Variants in SCAF1 observed in about 807,000 individuals in gnomAD.
SCAF1 encodes splicing factor, arginine/serine-rich 19.
In SCAF1, 28 loss-of-function variants were observed where a neutral mutation model predicts 91.2. The ratio of observed to expected loss-of-function variants is 0.31; its 90% CI spans 0.23 to 0.42. SCAF1 has a LOEUF of 0.42. SCAF1 is among the 10% of genes least tolerant of loss of function. The probability of loss-of-function intolerance (pLI) is 1.00; values close to 1 mark genes in which losing one functional copy is unlikely to be tolerated. For missense variants in SCAF1, 1,893 were observed against 1,872.1 expected, an observed-to-expected ratio of 1.01 and a Z score of -0.21; for synonymous variants, 1,036 against 833.7, an observed-to-expected ratio of 1.24 and a Z score of -4.18.
In SCAF1 at chr19:49,651,868, C is replaced by G. The variant is rs1211943223; in HGVS notation, c.1479C>G (p.Arg493=). 1.6e-6 allele frequency: 2 copies of G among 1,234,300 alleles called. No homozygotes were observed. Among genetic ancestry groups the G allele is most frequent in the Middle Eastern group, 3.3e-4 (1 of 3,034 alleles). 76.5% of individuals were successfully genotyped at this position (1,234,300 alleles called of 1,614,324 possible). The change falls in exon 7 of 11, where the codon CGC becomes CGG. Residue 493 remains arginine, a synonymous_variant. Coordinates refer to ENST00000360565, the MANE Select transcript of SCAF1 (RefSeq NM_021228.3). ...AGATCCTGACCCAACGGCGGGAGCGCTACCGCCAGCGCTCGCCCTCCCCGG... is the reference window on the plus strand; with the variant it reads ...AGATCCTGACCCAACGGCGGGAGCGGTACCGCCAGCGCTCGCCCTCCCCGG... The part of the protein sequence containing the change: ...RRKILTQRRE[R]YRQRSPSPAP...
In SCAF1 at chr19:49,651,506, A is replaced by G. The variant is rs1464288132; in HGVS notation, c.1117A>G (p.Thr373Ala). ...REGKVSVEVV[T>A]AGGAALPPPL... ...AGGCAAGGTCTCGGTGGAGGTGGTG[A>G]CCGCTGGTGGAGCCGCCCTCCCGCC... Residue 373 changes from threonine to alanine, a missense_variant, in exon 7 of 11, where the codon ACC (threonine) becomes GCC (alanine). Physicochemically the swap from Thr to Ala is moderately conservative, Grantham distance 58. This residue lies in a region of SCAF1 where 1,436 missense variants were observed against 1,306.8 expected (regional missense o/e 1.10). Coordinates refer to ENST00000360565, the MANE Select transcript of SCAF1 (RefSeq NM_021228.3). The G allele has an allele frequency of 1.5e-5, 24 of 1,573,320 alleles. No homozygotes were observed. The highest frequency in any genetic ancestry group is 2.1e-5 in the Non-Finnish European group (24 of 1,162,398).
Position 49,654,804 on chromosome 19 carries a change from GC to G in SCAF1, c.3553del (p.Leu1185TrpfsTer24). The G allele has an allele frequency of 6.2e-7, 1 of 1,612,618 alleles. No homozygotes were observed. The highest frequency in any genetic ancestry group is 8.5e-7 in the Non-Finnish European group (1 of 1,179,382). On this transcript the variant is annotated frameshift_variant, in exon 9 of 11. Transcript: ENST00000360565. LOFTEE classifies it high-confidence loss of function. ...CGSTPPTPTG[L>X]AATSDKREGS... is the part of the protein sequence containing the mutation. Reference sequence around the variant, plus strand: ...GTTCGACCCCCCCCACCCCCACCGGGCTGGCTGCCACGTCTGACAAGAGAGA... The same window carrying G: ...GTTCGACCCCCCCCACCCCCACCGGGTGGCTGCCACGTCTGACAAGAGAGA...
In SCAF1 at chr19:49,653,033, C is replaced by T. The variant is rs201213809; in HGVS notation, c.2644C>T (p.Arg882Trp). 1.8e-4 allele frequency: 286 copies of T among 1,613,944 alleles called. No homozygotes were observed. Among genetic ancestry groups the T allele is most frequent in the Middle Eastern group, 1.6e-4 (1 of 6,062 alleles). ...SRSPFLKPDERAPTEMAKAAP... is the reference protein window; with the variant it reads ...SRSPFLKPDEWAPTEMAKAAP... ...CTCCCCCTTCCTCAAACCTGACGAGCGGGCCCCCACTGAGATGGCCAAAGC... is the reference window on the plus strand; with the variant it reads ...CTCCCCCTTCCTCAAACCTGACGAGTGGGCCCCCACTGAGATGGCCAAAGC... The change falls in exon 7 of 11, where the codon CGG becomes TGG. Residue 882 changes from arginine to tryptophan, a missense_variant. This residue lies in a region of SCAF1 where 1,436 missense variants were observed against 1,306.8 expected (regional missense o/e 1.10). Transcript: ENST00000360565.
chr19:49,653,380 C>A lies in SCAF1; in HGVS notation c.2991C>A (p.Ser997Arg). The A allele has an allele frequency of 6.6e-7, 1 of 1,524,928 alleles. No homozygotes were observed. The highest frequency in any genetic ancestry group is 8.8e-7 in the Non-Finnish European group (1 of 1,133,880). 94.5% of individuals were successfully genotyped at this position (1,524,928 alleles called of 1,614,324 possible). A position where few individuals can be genotyped will look rare whatever the true frequency, so the allele number is the denominator to read the frequency against. Reference sequence around the variant, plus strand: ...CTCCGGACTCGCAGACCGTGGACAGCAGCTGCAAGACACCTGAGGTCTCCT... The same window carrying A: ...CTCCGGACTCGCAGACCGTGGACAGAAGCTGCAAGACACCTGAGGTCTCCT... ...ALTPDSQTVD[S>R]SCKTPEVSFL... Residue 997 changes from serine to arginine, a missense_variant, in exon 7 of 11, where the codon AGC becomes AGA. By Grantham distance (110) the Ser-to-Arg change is moderately radical. Transcript: ENST00000360565.
In SCAF1 at chr19:49,652,501, C is replaced by T. The variant is rs369200818; in HGVS notation, c.2112C>T (p.Thr704=). The T allele has an allele frequency of 5.7e-6, 9 of 1,584,934 alleles. No homozygotes were observed. Among genetic ancestry groups the T allele is most frequent in the Non-Finnish European group, 7.7e-6 (9 of 1,166,902 alleles). The change falls in exon 7 of 11, where the codon ACC becomes ACT. Residue 704 remains threonine, a synonymous_variant. Transcript: ENST00000360565. The part of the protein sequence containing the change: ...TDHDLFAIKR[T]ITVGRLDKSD... Reference sequence around the variant, plus strand: ...ACGACCTCTTCGCCATCAAGCGGACCATCACGGTGGGCCGGCTTGACAAGT... The same window carrying T: ...ACGACCTCTTCGCCATCAAGCGGACTATCACGGTGGGCCGGCTTGACAAGT...
In SCAF1 at chr19:49,651,349, C is replaced by A; in HGVS notation, c.960C>A (p.Pro320=). The change falls in exon 7 of 11, where the codon CCC becomes CCA. Residue 320 remains proline, a synonymous_variant. Coordinates refer to ENST00000360565, the MANE Select transcript of SCAF1 (RefSeq NM_021228.3). ...LSQDFPGDES[P]RPDAQPTQPT... ...AGGACTTCCCAGGTGACGAGAGCCC[C>A]CGCCCGGACGCGCAGCCCACACAGC... 1 of 1,608,618 alleles carries A rather than the reference C, an allele frequency of 6.2e-7. No homozygotes were observed. The highest frequency in any genetic ancestry group is 8.5e-7 in the Non-Finnish European group (1 of 1,179,854).
chr19:49,651,013 T>TC lies in SCAF1; in HGVS notation c.629dup (p.Pro211ThrfsTer19). On this transcript the variant is annotated frameshift_variant, in exon 7 of 11. Transcript: ENST00000360565. LOFTEE classifies it high-confidence loss of function. ...CTCCCTCATCTTCCTCCCCTTCCCC[T>TC]CCCCCACCCCCACCGCCCCCTGCAC... 1.4e-5 allele frequency: 2 copies of TC among 141,670 alleles called. No individual in the cohort carries two copies. Among genetic ancestry groups the TC allele is most frequent in the South Asian group, 5.0e-5 (1 of 19,854 alleles). The allele number at this position is 141,670 out of a possible 1,614,324, so 8.8% of individuals were successfully genotyped here.
chr19:49,651,924 G>T lies in SCAF1; in HGVS notation c.1535G>T (p.Gly512Val). Residue 512 changes from glycine to valine, a missense_variant, in exon 7 of 11, where the codon GGT becomes GTT. By Grantham distance (109) the Gly-to-Val change is moderately radical. Coordinates refer to ENST00000360565, the MANE Select transcript of SCAF1 (RefSeq NM_021228.3). ...GCGCCCGCCCCGGCCGCCGCTGCTG[G>T]TCCGCCCACGCGCAAGAAGTCCAGG... is the stretch of plus-strand genomic sequence containing the variant. ...APAPAPAAAA[G>V]PPTRKKSRRE... 1.7e-6 allele frequency: 2 copies of T among 1,163,136 alleles called. No individual in the cohort carries two copies. Among genetic ancestry groups the T allele is most frequent in the South Asian group, 2.1e-5 (1 of 48,074 alleles). 72.1% of individuals were successfully genotyped at this position (1,163,136 alleles called of 1,614,324 possible). A position where few individuals can be genotyped will look rare whatever the true frequency, so the allele number is the denominator to read the frequency against.
intron 6 of SCAF1, among the ~76,000 whole-genome samples, chr19:49,648,791 T>G (rs2081069740): frequency 6.6e-6 from 1 of 151,688 alleles, no homozygotes; most frequent in Non-Finnish European, 1.5e-5. Flanking sequence ...GCCAACATGG[T>G]GAAACCCTGT....
At chr19:49,647,955 C>G (rs1200084944) in intron 6 of SCAF1, among the ~76,000 whole-genome samples, 1 of 151,614 alleles carries the variant, frequency 6.6e-6, no homozygotes, top group Non-Finnish European at 1.5e-5. Flanking sequence ...TTTTTTGAGA[C>G]AGGGTCTCAC....
In SCAF1 at chr19:49,651,809, G is replaced by A. The variant is rs1384612771; in HGVS notation, c.1420G>A (p.Asp474Asn). Residue 474 changes from aspartate to asparagine, a missense_variant, in exon 7 of 11, where the codon GAC (aspartate) becomes AAC (asparagine). This residue lies in a region of SCAF1 where 1,436 missense variants were observed against 1,306.8 expected (regional missense o/e 1.10). Transcript: ENST00000360565. ...GCCGGCTCCCGCGCCGCCCGCCGCC[G>A]ACTCGCGCTGGGGCGGCCTGGACCT... ...GEPAPAPPAA[D>N]SRWGGLDLRR... 1 of 1,263,714 alleles carries A rather than the reference G, an allele frequency of 7.9e-7. No individual in the cohort carries two copies. The highest frequency in any genetic ancestry group is 1.6e-5 in the African/African-American group (1 of 62,280). 78.3% of individuals were successfully genotyped at this position (1,263,714 alleles called of 1,614,324 possible).
At position 49,642,457 on chromosome 19, in the gene SCAF1, C is replaced by A. The variant is rs1322667767; in HGVS notation, c.-7+215C>A. 2.0e-5 allele frequency among the ~76,000 whole-genome samples: 3 copies of A among 152,078 alleles called. No homozygotes were observed. Among genetic ancestry groups the A allele is most frequent in the African/African-American group, 7.2e-5 (3 of 41,424 alleles). On this transcript the variant is annotated intron_variant, in intron 1 of 10. Transcript: ENST00000360565. This position sits in a 1 kb window ranked among gnomAD's most constrained non-coding sequence, Gnocchi z 4.0. ...GGACGCATCCGTGGGTTCCTGGGGGCGTCTATGGGGCGTCTCCGAGAGGAC... is the reference window on the plus strand; with the variant it reads ...GGACGCATCCGTGGGTTCCTGGGGGAGTCTATGGGGCGTCTCCGAGAGGAC...
chr19:49,650,328 A>C (rs2081077944), intron 6 of SCAF1, among the ~76,000 whole-genome samples: 1 of 152,140 alleles, frequency 6.6e-6, no homozygotes, highest in South Asian at 2.1e-4. Context: ...CACGAGAGGC[A>C]GCTGGCGCAG....
Position 49,651,549 on chromosome 19 carries a change from G to T in SCAF1, c.1160G>T (p.Gly387Val), listed in dbSNP as rs1183492050. 6.4e-7 allele frequency: 1 copy of T among 1,559,400 alleles called. No homozygotes were observed. The highest frequency in any genetic ancestry group is 1.9e-5 in the Admixed American group (1 of 52,616). ...CTCCCGCCGCCCCTGCTGCCGCCCG[G>T]CGACTCGGAGATCGAGGAAGGGGAG... ...AALPPPLLPP[G>V]DSEIEEGEIV... Residue 387 changes from glycine (G) to valine (V), a missense_variant, in exon 7 of 11, where the codon GGC (glycine) becomes GTC (valine). Coordinates refer to ENST00000360565, the MANE Select transcript of SCAF1 (RefSeq NM_021228.3).
At chr19:49,653,759 C>G in intron 7 of SCAF1, 54 bp downstream of exon 7, 1 of 1,438,794 alleles carries the variant, frequency 7.0e-7, no homozygotes, top group Non-Finnish European at 9.2e-7. Flanking sequence ...AGGATGGGGA[C>G]TGGAGGGTAC....
At position 49,646,781 on chromosome 19, in the gene SCAF1, T is replaced by C. The variant is rs749972745; in HGVS notation, c.429T>C (p.Pro143=). The C allele has an allele frequency of 2.5e-6, 4 of 1,613,776 alleles. No homozygotes were observed. The highest frequency in any genetic ancestry group is 3.4e-6 in the Non-Finnish European group (4 of 1,179,976). ...GGGACAGAGATCCCATCCCTCTGCC[T>C]GTGCCCAGCCTGCTGCCCCGTCTCA... ...RIGDRDPIPL[P]VPSLLPRLRA... Residue 143 remains proline, a synonymous_variant, in exon 6 of 11, where the codon CCT becomes CCC. Transcript: ENST00000360565. This position sits in a 1 kb window ranked among gnomAD's most constrained non-coding sequence, Gnocchi z 5.6.
At position 49,654,738 on chromosome 19, in the gene SCAF1, C is replaced by T. The variant is rs1460100116; in HGVS notation, c.3486C>T (p.Ser1162=). 2 of 1,614,028 alleles carry T rather than the reference C, an allele frequency of 1.2e-6. No homozygotes were observed. Among genetic ancestry groups the T allele is most frequent in the Admixed American group, 1.7e-5 (1 of 60,018 alleles). The change falls in exon 9 of 11, where the codon TCC becomes TCT. Residue 1162 remains serine, a synonymous_variant. Transcript: ENST00000360565. Reference sequence around the variant, plus strand: ...CTTTGGGTCTGCCCCCTGGCCCCTCCAGCTACCTGCTTCCTGGCAGCCTCC... The same window carrying T: ...CTTTGGGTCTGCCCCCTGGCCCCTCTAGCTACCTGCTTCCTGGCAGCCTCC... The part of the protein sequence containing the change: ...PTSLGLPPGP[S]SYLLPGSLPL...
Position 49,654,760 on chromosome 19 carries a change from C to A in SCAF1, c.3508C>A (p.Leu1170Ile). Residue 1170 changes from leucine to isoleucine, a missense_variant, in exon 9 of 11, where the codon CTC becomes ATC. This residue lies in a region of SCAF1 where 1,436 missense variants were observed against 1,306.8 expected (regional missense o/e 1.10). Transcript: ENST00000360565. Reference sequence around the variant, plus strand: ...CTCCAGCTACCTGCTTCCTGGCAGCCTCCCTCTGGGGGGCTGCGGTTCGAC... The same window carrying A: ...CTCCAGCTACCTGCTTCCTGGCAGCATCCCTCTGGGGGGCTGCGGTTCGAC... ...GPSSYLLPGS[L>I]PLGGCGSTPP... 1 of 1,613,770 alleles carries A rather than the reference C, an allele frequency of 6.2e-7. No individual in the cohort carries two copies. Among genetic ancestry groups the A allele is most frequent in the Non-Finnish European group, 8.5e-7 (1 of 1,179,866 alleles).
At position 49,651,747 on chromosome 19, in the gene SCAF1, C is replaced by T. The variant is rs2081092394; in HGVS notation, c.1358C>T (p.Ser453Leu). 6 of 1,338,688 alleles carry T rather than the reference C, an allele frequency of 4.5e-6. No homozygotes were observed. The highest frequency in any genetic ancestry group is 5.7e-6 in the Non-Finnish European group (6 of 1,051,978). The allele number at this position is 1,338,688 out of a possible 1,614,324, so 82.9% of individuals were successfully genotyped here. Residue 453 changes from serine (S) to leucine (L), a missense_variant, in exon 7 of 11, where the codon TCG becomes TTG. Physicochemically the swap from Ser to Leu is moderately radical, Grantham distance 145. Transcript: ENST00000360565. ...GACTTCTTGTCCCTGCATGCGGAGT[C>T]GGACGGCGAGGGCGCCCTGCAGGTG... The part of the protein sequence containing the change: ...GDDFLSLHAE[S>L]DGEGALQVDL...
Sources: gnomAD v4.1 joint callset for allele counts (sites outside exome capture counted in the v4.1 genomes callset) on GRCh38, gnomAD v4.1.1 for gene constraint, gnomAD v4.1.1 regional missense constraint, Gnocchi (gnomAD v3.1) non-coding constraint, MANE v1.5 for transcripts, NCBI Gene and HGNC (gene_info 2026-07-23, HGNC 2026-07-21) for gene names.